The following TNR variants were observed in gnomAD, a reference collection of about 807,000 sequenced individuals.
The protein encoded by TNR is tenascin-R.
A neutral mutation model predicts 150.4 loss-of-function variants in TNR; 45 were observed. The ratio of observed to expected loss-of-function variants is 0.30; its 90% CI spans 0.24 to 0.38. The LOEUF (loss-of-function observed/expected upper bound fraction) is 0.38. Ranked by LOEUF, TNR falls within the 10% of genes least tolerant of loss-of-function variation. The pLI, the probability that TNR is intolerant of heterozygous loss-of-function variation, is 1.00. For missense variants in TNR, 1,544 were observed against 1,759.1 expected, an observed-to-expected ratio of 0.88 and a Z score of 2.19; for synonymous variants, 687 against 678.4, an observed-to-expected ratio of 1.01 and a Z score of -0.20.
chr1:175,509,768 A>G (rs1256509395), intron 2 of TNR, among the ~76,000 whole-genome samples: 2 of 152,216 alleles, frequency 1.3e-5, no homozygotes, highest in South Asian at 4.1e-4. Flanking sequence ...CCAATAAAGA[A>G]TGGATGCTTT....
intron 2 of TNR, among the ~76,000 whole-genome samples, chr1:175,439,232 C>A (rs1361546807): frequency 2.0e-5 from 3 of 151,998 alleles, no homozygotes; most frequent in East Asian, 3.9e-4. Context: ...ATATCTACAA[C>A]TATCTGATCT....
intron 1 of TNR, among the ~76,000 whole-genome samples, chr1:175,711,618 G>A (rs1186922652): frequency 1.3e-5 from 2 of 152,198 alleles, no homozygotes; most frequent in Non-Finnish European, 2.9e-5. Context: ...GGACTGGGGA[G>A]AAGGCTAGTG....
chr1:175,471,086 TAGTC>T (rs1440817571), intron 2 of TNR, among the ~76,000 whole-genome samples: 2 of 152,180 alleles, frequency 1.3e-5, no homozygotes, highest in East Asian at 1.9e-4. Flanking sequence ...ACATCTGAGT[TAGTC>T]AGCGAAGAGA....
intron 20 of TNR, among the ~76,000 whole-genome samples, chr1:175,331,078 CTTCTTTCT>C (rs1434211485): frequency 1.7e-5 from 1 of 59,916 alleles, no homozygotes; most frequent in Non-Finnish European, 3.5e-5. Flanking sequence ...TCTTTCTTTC[CTTCTTTCT>C]TTCTTTCTTT....
At chr1:175,357,546 C>T (rs114726942) in intron 15 of TNR, among the ~76,000 whole-genome samples, 1,940 of 152,306 alleles carry the variant, frequency 0.013, 27 homozygotes, top group South Asian at 0.024. Context: ...GATTAATGCT[C>T]CAGCCATACC....
At chr1:175,704,686 TTGTATTTTTGCTGCA>T (rs1408863171) in intron 1 of TNR, among the ~76,000 whole-genome samples, 1 of 152,168 alleles carries the variant, frequency 6.6e-6, no homozygotes, top group African/African-American at 2.4e-5. Context: ...TCCTAATGGC[TTGTATTTTTGCTGCA>T]GCAGCTCCTC....
intron 1 of TNR, among the ~76,000 whole-genome samples, chr1:175,719,920 C>A (rs960320217): frequency 6.6e-6 from 1 of 152,222 alleles, no homozygotes; most frequent in Non-Finnish European, 1.5e-5. Context: ...CTCATTTCCA[C>A]AACAGTTCCT....
chr1:175,400,035 T>C (rs1290226241), intron 4 of TNR, among the ~76,000 whole-genome samples: 1 of 152,238 alleles, frequency 6.6e-6, no homozygotes, highest in African/African-American at 2.4e-5. Context: ...CAAGACCCTG[T>C]TCTGATGGTT....
chr1:175,479,150 TG>T (rs978925218), intron 2 of TNR, among the ~76,000 whole-genome samples: 1 of 152,236 alleles, frequency 6.6e-6, no homozygotes, highest in Non-Finnish European at 1.5e-5. Flanking sequence ...ATGGGAAATT[TG>T]TTCTCAATCT....
intron 1 of TNR, among the ~76,000 whole-genome samples, chr1:175,716,498 G>T (rs1667158042): frequency 6.6e-6 from 1 of 152,090 alleles, no homozygotes; most frequent in African/African-American, 2.4e-5. Flanking sequence ...CTTTCAAAGA[G>T]CTCTTGCCCA....
intron 1 of TNR, among the ~76,000 whole-genome samples, chr1:175,697,268 G>T (rs1290052787): frequency 6.6e-6 from 1 of 152,034 alleles, no homozygotes; most frequent in African/African-American, 2.4e-5. Context: ...AAAGAGGCTG[G>T]CCAAGAGAGA....
intron 2 of TNR, among the ~76,000 whole-genome samples, chr1:175,422,900 G>C (rs948844776): frequency 8.5e-5 from 13 of 152,206 alleles, no homozygotes; most frequent in African/African-American, 3.1e-4. Flanking sequence ...GAGGTGGTTG[G>C]CTGTGAGCTA....
intron 1 of TNR, among the ~76,000 whole-genome samples, chr1:175,668,174 G>A (rs2101900912): frequency 6.6e-6 from 1 of 152,280 alleles, no homozygotes; most frequent in Middle Eastern, 3.4e-3. Flanking sequence ...GGACCTGGGG[G>A]CATCTCTTGT....
chr1:175,605,336 C>T (rs1663373398), intron 1 of TNR, among the ~76,000 whole-genome samples: 2 of 152,128 alleles, frequency 1.3e-5, no homozygotes, highest in African/African-American at 4.8e-5. Context: ...TTGTATGACT[C>T]AAGGAGGTCA....
chr1:175,323,364 T>G lies in TNR; in HGVS notation c.4070A>C (p.Gln1357Pro), dbSNP rs1314268542. ...LMAGRKRQSL[Q>P]F Reference sequence around the variant, plus strand: ...CTTGCAGCCGCCCACTGCTCAGAACTGTAAGGACTGCCGTTTTCTCCCTGC... The same window carrying G: ...CTTGCAGCCGCCCACTGCTCAGAACGGTAAGGACTGCCGTTTTCTCCCTGC... Residue 1357 changes from glutamine (Q) to proline (P), a missense_variant, in exon 23 of 23, where the codon CAG becomes CCG. Coordinates refer to ENST00000367674, the MANE Select transcript of TNR (RefSeq NM_003285.3). 1.9e-6 allele frequency: 3 copies of G among 1,613,980 alleles called. No homozygotes were observed. In the Admixed American group the frequency reaches 5.0e-5, roughly 27 times the overall value.
chr1:175,554,054 C>T (rs1250781236), intron 1 of TNR, among the ~76,000 whole-genome samples: 3 of 152,156 alleles, frequency 2.0e-5, no homozygotes, highest in Non-Finnish European at 1.5e-5. Context: ...GGCATATTTC[C>T]TTGCTGGTCA....
chr1:175,708,834 AT>A (rs1419493986), intron 1 of TNR, among the ~76,000 whole-genome samples: 10 of 152,180 alleles, frequency 6.6e-5, no homozygotes, highest in African/African-American at 1.2e-4. Flanking sequence ...TTCTACTTGC[AT>A]TTTCAATTGT....
intron 2 of TNR, among the ~76,000 whole-genome samples, chr1:175,451,484 C>A (rs1327591996): frequency 7.0e-6 from 1 of 143,518 alleles, no homozygotes; most frequent in Non-Finnish European, 1.5e-5. Flanking sequence ...CAGCCGCCAG[C>A]CTCCAGGCCT....
At chr1:175,440,967 T>C (rs564516075) in intron 2 of TNR, among the ~76,000 whole-genome samples, 65 of 152,274 alleles carry the variant, frequency 4.3e-4, no homozygotes, top group Non-Finnish European at 7.2e-4. Flanking sequence ...GGGAAGGTAC[T>C]GTATATGGCC....
Sources: allele counts gnomAD v4.1 joint callset (sites outside exome capture counted in the v4.1 genomes callset), GRCh38; gene constraint gnomAD v4.1.1; transcripts MANE v1.5; gene names NCBI Gene and HGNC (gene_info 2026-07-23, HGNC 2026-07-21).